Variants in POU3F2 observed in about 807,000 individuals in gnomAD.
POU3F2 encodes the protein POU class 3 homeobox 2.
POU3F2 carries 11 observed loss-of-function variants against 33.1 expected under a neutral mutation model. That is an observed-to-expected ratio of 0.33 (90% CI 0.21 to 0.55). The LOEUF (loss-of-function observed/expected upper bound fraction) is 0.55, where lower values mean the gene tolerates loss of function less well. POU3F2 is among the 20% of genes least tolerant of loss of function. POU3F2 has a pLI of 0.91. For missense variants in POU3F2, 456 were observed against 620.2 expected, an observed-to-expected ratio of 0.74 and a Z score of 2.81; for synonymous variants, 332 against 289.6, an observed-to-expected ratio of 1.15 and a Z score of -1.49.
chr6:98,836,559 T>G lies in POU3F2; in HGVS notation c.*354T>G. ...TAAATACCTGGCAAAACTAAATAAA[T>G]TACCAAAAAGGAAAAAAAATCCACC... On this transcript the variant is annotated 3_prime_UTR_variant, in exon 1 of 1. Transcript: ENST00000328345. 5.0e-6 allele frequency: 1 copy of G among 199,482 alleles called. No individual in the cohort carries two copies. The highest frequency in any genetic ancestry group is 1.1e-5 in the Non-Finnish European group (1 of 90,768). 12.4% of individuals were successfully genotyped at this position (199,482 alleles called of 1,614,324 possible).
rs1486325628 is a variant in POU3F2 at position 98,835,995 on chromosome 6, C to T, written c.1122C>T (p.Leu374=). ...AGGGGGCTCTGGAGAGCCATTTCCT[C>T]AAATGCCCCAAGCCCTCGGCCCAGG... ...SVKGALESHF[L]KCPKPSAQEI... Residue 374 remains leucine (L), a synonymous_variant, in exon 1 of 1, where the codon CTC becomes CTT. Coordinates refer to ENST00000328345, the MANE Select transcript of POU3F2 (RefSeq NM_005604.4). The surrounding 1 kb of genome is among the most constrained non-coding windows in gnomAD (Gnocchi z 9.7). The T allele has an allele frequency of 2.5e-6, 4 of 1,613,520 alleles. No individual in the cohort carries two copies. The highest frequency in any genetic ancestry group is 3.4e-6 in the Non-Finnish European group (4 of 1,179,862).
rs1322310863 is a variant in POU3F2, at chr6:98,834,973, T to C, written c.100T>C (p.Tyr34His). The C allele has an allele frequency of 1.3e-6, 2 of 1,598,936 alleles. No individual in the cohort carries two copies. Among genetic ancestry groups the C allele is most frequent in the Non-Finnish European group, 1.7e-6 (2 of 1,178,730 alleles). ...PGGMQQGAGG[Y>H]REAQSLVQGD... ...CGGCATGCAGCAGGGCGCGGGGGGC[T>C]ACCGCGAAGCGCAGAGCCTGGTGCA... Residue 34 changes from tyrosine to histidine, a missense_variant, in exon 1 of 1, where the codon TAC becomes CAC. Physicochemically the swap from Tyr to His is moderately conservative, Grantham distance 83. Around this residue, in one of 6 missense-constraint regions of POU3F2, gnomAD observed 341 missense variants for 382.4 expected, o/e 0.89. Coordinates refer to ENST00000328345, the MANE Select transcript of POU3F2 (RefSeq NM_005604.4).
rs762013289 is a variant in POU3F2 at position 98,835,413 on chromosome 6, C to A, written c.540C>A (p.Ser180=). Reference sequence around the variant, plus strand: ...CGGCTGCAGCGCACCTCCCACCCTCCATGGGAGCGTCCAACGGCGGCTTGC... The same window carrying A: ...CGGCTGCAGCGCACCTCCCACCCTCAATGGGAGCGTCCAACGGCGGCTTGC... ...SAAAAAHLPP[S]MGASNGGLLY... The change falls in exon 1 of 1, where the codon TCC becomes TCA. Residue 180 remains serine (S), a synonymous_variant. Coordinates refer to ENST00000328345, the MANE Select transcript of POU3F2 (RefSeq NM_005604.4). The surrounding 1 kb of genome is among the most constrained non-coding windows in gnomAD (Gnocchi z 9.7). 1.3e-6 allele frequency: 2 copies of A among 1,588,486 alleles called. No homozygotes were observed. Among genetic ancestry groups the A allele is most frequent in the Admixed American group, 1.7e-5 (1 of 58,414 alleles).
chr6:98,839,015 C>G lies in POU3F2; in HGVS notation c.*2810C>G, dbSNP rs1003651143. 3 of 149,314 alleles carry G rather than the reference C, an allele frequency of 2.0e-5. No individual in the cohort carries two copies. Among genetic ancestry groups the G allele is most frequent in the African/African-American group, 7.4e-5 (3 of 40,370 alleles). The allele number at this position is 149,314 out of a possible 1,614,324, so 9.2% of individuals were successfully genotyped here. A position where few individuals can be genotyped will look rare whatever the true frequency, so the allele number is the denominator to read the frequency against. The stretch of plus-strand genomic sequence containing the variant: ...AGGCTTTTTTTTTTTTTAATGGAGA[C>G]TACTGGTCTAATTCACTTTACTTTG... On this transcript the variant is annotated 3_prime_UTR_variant, in exon 1 of 1. Coordinates refer to ENST00000328345, the MANE Select transcript of POU3F2 (RefSeq NM_005604.4).
Position 98,836,025 on chromosome 6 carries a change from C to A in POU3F2, c.1152C>A (p.Ile384=). 7 of 1,611,018 alleles carry A rather than the reference C, an allele frequency of 4.3e-6. No individual in the cohort carries two copies. The highest frequency in any genetic ancestry group is 5.9e-6 in the Non-Finnish European group (7 of 1,179,146). ...GCCCCAAGCCCTCGGCCCAGGAGATCACCTCCCTCGCGGACAGCTTACAGC... is the reference window on the plus strand; with the variant it reads ...GCCCCAAGCCCTCGGCCCAGGAGATAACCTCCCTCGCGGACAGCTTACAGC... ...LKCPKPSAQE[I]TSLADSLQLE... Residue 384 remains isoleucine, a synonymous_variant, in exon 1 of 1, where the codon ATC becomes ATA. Transcript: ENST00000328345.
Position 98,834,670 on chromosome 6 carries a change from GC to G in POU3F2, c.-203del. ...GGAGAGGAGGAGAAAGAGAGCGAGG[GC>G]GGGCGGGAGGCGGCGGCGGCGGCAG... On this transcript the variant is annotated 5_prime_UTR_variant, in exon 1 of 1. Transcript: ENST00000328345. 1.7e-6 allele frequency: 1 copy of G among 605,306 alleles called. No individual in the cohort carries two copies. The highest frequency in any genetic ancestry group is 2.9e-6 in the Non-Finnish European group (1 of 349,076). The allele number at this position is 605,306 out of a possible 1,614,324, so 37.5% of individuals were successfully genotyped here.
In POU3F2 at chr6:98,836,312, T is replaced by C; in HGVS notation, c.*107T>C. On this transcript the variant is annotated 3_prime_UTR_variant, in exon 1 of 1. Transcript: ENST00000328345. ...TCTAACTTCTGATTGTTCTTTTATT[T>C]TTAATTATTATTTCCCCGTCCCTTA... is the stretch of plus-strand genomic sequence containing the variant. 2 of 1,323,866 alleles carry C rather than the reference T, an allele frequency of 1.5e-6. No homozygotes were observed. The highest frequency in any genetic ancestry group is 2.0e-6 in the Non-Finnish European group (2 of 1,005,580). 82.0% of individuals were successfully genotyped at this position (1,323,866 alleles called of 1,614,324 possible).
Position 98,835,610 on chromosome 6 carries a change from A to C in POU3F2, c.737A>C (p.Gln246Pro). ...HQQPPPPPPPQGPPGHPGAHH... is the reference protein window; with the variant it reads ...HQQPPPPPPPPGPPGHPGAHH... ...CAGCCGCCGCCCCCGCCGCCCCCGC[A>C]GGGTCCGCCTGGCCACCCAGGCGCG... The change falls in exon 1 of 1, where the codon CAG becomes CCG. Residue 246 changes from glutamine (Q) to proline (P), a missense_variant. By Grantham distance (76) the Gln-to-Pro change is moderately conservative (BLOSUM62 -1). This residue lies in a region of POU3F2 where 341 missense variants were observed against 382.4 expected (regional missense o/e 0.89). Coordinates refer to ENST00000328345, the MANE Select transcript of POU3F2 (RefSeq NM_005604.4). This position sits in a 1 kb window ranked among gnomAD's most constrained non-coding sequence, Gnocchi z 9.7. 2 of 1,610,974 alleles carry C rather than the reference A, an allele frequency of 1.2e-6. No individual in the cohort carries two copies. The highest frequency in any genetic ancestry group is 1.7e-6 in the Non-Finnish European group (2 of 1,179,162).
chr6:98,834,786 C>T lies in POU3F2; in HGVS notation c.-88C>T, dbSNP rs2128367673. The T allele has an allele frequency of 2.1e-6, 3 of 1,409,698 alleles. No homozygotes were observed. Among genetic ancestry groups the T allele is most frequent in the South Asian group, 2.5e-5 (2 of 79,164 alleles). 87.3% of individuals were successfully genotyped at this position (1,409,698 alleles called of 1,614,324 possible). On this transcript the variant is annotated 5_prime_UTR_variant, in exon 1 of 1. Coordinates refer to ENST00000328345, the MANE Select transcript of POU3F2 (RefSeq NM_005604.4). Reference sequence around the variant, plus strand: ...TGGGAGAGAGAGGAGACAGAAAGAGCGAGCGAGGAGAGGGAGCCCGAGGCG... The same window carrying T: ...TGGGAGAGAGAGGAGACAGAAAGAGTGAGCGAGGAGAGGGAGCCCGAGGCG...
At position 98,834,791 on chromosome 6, in the gene POU3F2, G is replaced by T. The variant is rs917393922; in HGVS notation, c.-83G>T. 7.6e-6 allele frequency: 11 copies of T among 1,454,286 alleles called. No homozygotes were observed. The highest frequency in any genetic ancestry group is 5.7e-5 in the African/African-American group (4 of 69,638). 90.1% of individuals were successfully genotyped at this position (1,454,286 alleles called of 1,614,324 possible). A position where few individuals can be genotyped will look rare whatever the true frequency, so the allele number is the denominator to read the frequency against. Reference sequence around the variant, plus strand: ...GAGAGAGGAGACAGAAAGAGCGAGCGAGGAGAGGGAGCCCGAGGCGAAAAA... The same window carrying T: ...GAGAGAGGAGACAGAAAGAGCGAGCTAGGAGAGGGAGCCCGAGGCGAAAAA... On this transcript the variant is annotated 5_prime_UTR_variant, in exon 1 of 1. Coordinates refer to ENST00000328345, the MANE Select transcript of POU3F2 (RefSeq NM_005604.4).
chr6:98,834,660 G>C lies in POU3F2; in HGVS notation c.-214G>C, dbSNP rs1279525068. 3.4e-6 allele frequency: 2 copies of C among 592,730 alleles called. No individual in the cohort carries two copies. Among genetic ancestry groups the C allele is most frequent in the Admixed American group, 3.0e-5 (1 of 33,008 alleles). 36.7% of individuals were successfully genotyped at this position (592,730 alleles called of 1,614,324 possible). ...CGAGAAGGAGGGAGAGGAGGAGAAA[G>C]AGAGCGAGGGCGGGCGGGAGGCGGC... On this transcript the variant is annotated 5_prime_UTR_variant, in exon 1 of 1. Transcript: ENST00000328345.
In POU3F2 at chr6:98,837,443, A is replaced by G. The variant is rs929556095; in HGVS notation, c.*1238A>G. 1.8e-5 allele frequency: 3 copies of G among 166,970 alleles called. No homozygotes were observed. The Admixed American group carries it at 2.0e-4, about 11-fold the overall frequency. The allele number at this position is 166,970 out of a possible 1,614,324, so 10.3% of individuals were successfully genotyped here. On this transcript the variant is annotated 3_prime_UTR_variant, in exon 1 of 1. Transcript: ENST00000328345. ...TCTCTAATAGCTTTTTTTTTACATAAAAAAAGACCCAGGAACTTAATAGTG... is the reference window on the plus strand; with the variant it reads ...TCTCTAATAGCTTTTTTTTTACATAGAAAAAGACCCAGGAACTTAATAGTG...
rs1770011919 is a variant in POU3F2 at position 98,837,262 on chromosome 6, A to C, written c.*1057A>C. ...AGCTCAGGGGAAATGTGGAGGTTAA[A>C]TATATTTCCAGAGTTGTCCAGCAGA... On this transcript the variant is annotated 3_prime_UTR_variant, in exon 1 of 1. Coordinates refer to ENST00000328345, the MANE Select transcript of POU3F2 (RefSeq NM_005604.4). The C allele has an allele frequency of 6.0e-6, 1 of 167,094 alleles. No individual in the cohort carries two copies. The highest frequency in any genetic ancestry group is 2.1e-4 in the South Asian group (1 of 4,834). 10.4% of individuals were successfully genotyped at this position (167,094 alleles called of 1,614,324 possible).
Position 98,835,373 on chromosome 6 carries a change from C to A in POU3F2, c.500C>A (p.Ala167Glu). ...HAANHHPGPGAWRSAAAAAHL... is the reference protein window; with the variant it reads ...HAANHHPGPGEWRSAAAAAHL... ...GCTAACCACCACCCGGGACCCGGGG[C>A]ATGGCGGAGCGCGGCGGCTGCAGCG... Residue 167 changes from alanine (A) to glutamate (E), a missense_variant, in exon 1 of 1, where the codon GCA (alanine) becomes GAA (glutamate). Transcript: ENST00000328345. The surrounding 1 kb of genome is among the most constrained non-coding windows in gnomAD (Gnocchi z 9.7). 1.3e-6 allele frequency: 2 copies of A among 1,561,810 alleles called. No individual in the cohort carries two copies. The highest frequency in any genetic ancestry group is 2.4e-5 in the East Asian group (1 of 41,024).
chr6:98,834,864 T>A lies in POU3F2; in HGVS notation c.-10T>A. 6.3e-7 allele frequency: 1 copy of A among 1,595,630 alleles called. No individual in the cohort carries two copies. Among genetic ancestry groups the A allele is most frequent in the Non-Finnish European group, 8.5e-7 (1 of 1,177,672 alleles). On this transcript the variant is annotated 5_prime_UTR_variant, in exon 1 of 1. Coordinates refer to ENST00000328345, the MANE Select transcript of POU3F2 (RefSeq NM_005604.4). Reference sequence around the variant, plus strand: ...CTTTAACCGGAGCGCTCAGTCCGGCTCCGAGAGTCATGGCGACCGCAGCGT... The same window carrying A: ...CTTTAACCGGAGCGCTCAGTCCGGCACCGAGAGTCATGGCGACCGCAGCGT...
rs766081561 is a variant in POU3F2, at chr6:98,835,923, G to T, written c.1050G>T (p.Ala350=). The change falls in exon 1 of 1, where the codon GCG becomes GCT. Residue 350 remains alanine, a synonymous_variant. Transcript: ENST00000328345. The surrounding 1 kb of genome is among the most constrained non-coding windows in gnomAD (Gnocchi z 9.7). ...GSPTSIDKIA[A]QGRKRKKRTS... is the part of the protein sequence containing the mutation. Reference sequence around the variant, plus strand: ...CCACGAGCATAGACAAGATCGCAGCGCAAGGGCGCAAGCGGAAAAAGCGGA... The same window carrying T: ...CCACGAGCATAGACAAGATCGCAGCTCAAGGGCGCAAGCGGAAAAAGCGGA... 1 of 1,614,224 alleles carries T rather than the reference G, an allele frequency of 6.2e-7. No homozygotes were observed.
chr6:98,836,243 C>A lies in POU3F2; in HGVS notation c.*38C>A, dbSNP rs556732734. On this transcript the variant is annotated 3_prime_UTR_variant, in exon 1 of 1. Coordinates refer to ENST00000328345, the MANE Select transcript of POU3F2 (RefSeq NM_005604.4). ...GGAGGGGCAGAGCGCGGGGCTCCCC[C>A]TCCCCTTCGGTCCTTGGCCCTTTCC... 1.9e-6 allele frequency: 3 copies of A among 1,543,258 alleles called. No individual in the cohort carries two copies. The highest frequency in any genetic ancestry group is 2.5e-5 in the South Asian group (2 of 78,664).
In POU3F2 at chr6:98,835,548, C is replaced by G; in HGVS notation, c.675C>G (p.Ala225=). The G allele has an allele frequency of 1.3e-6, 2 of 1,586,816 alleles. No individual in the cohort carries two copies. The highest frequency in any genetic ancestry group is 1.7e-6 in the Non-Finnish European group (2 of 1,171,474). Residue 225 remains alanine, a synonymous_variant, in exon 1 of 1, where the codon GCC becomes GCG. Coordinates refer to ENST00000328345, the MANE Select transcript of POU3F2 (RefSeq NM_005604.4). The surrounding 1 kb of genome is among the most constrained non-coding windows in gnomAD (Gnocchi z 9.7). ...ACGCGCACGACGAGCCACACCATGCCGACCACCACCCGCACCCGCACTCGC... is the reference window on the plus strand; with the variant it reads ...ACGCGCACGACGAGCCACACCATGCGGACCACCACCCGCACCCGCACTCGC... ...LRDAHDEPHH[A]DHHPHPHSHP...
chr6:98,835,507 C>T lies in POU3F2; in HGVS notation c.634C>T (p.His212Tyr). 6.4e-7 allele frequency: 1 copy of T among 1,565,672 alleles called. No homozygotes were observed. Among genetic ancestry groups the T allele is most frequent in the Non-Finnish European group, 8.6e-7 (1 of 1,164,110 alleles). ...GAGGQPAGLH[H>Y]HGLRDAHDEP... ...CGGCGGGCAGCCGGCCGGTCTGCAC[C>T]ACCACGGCCTGCGGGACGCGCACGA... Residue 212 changes from histidine (H) to tyrosine (Y), a missense_variant, in exon 1 of 1, where the codon CAC becomes TAC. Coordinates refer to ENST00000328345, the MANE Select transcript of POU3F2 (RefSeq NM_005604.4). This position sits in a 1 kb window ranked among gnomAD's most constrained non-coding sequence, Gnocchi z 9.7.
Sources: gnomAD v4.1 joint callset for allele counts on GRCh38, gnomAD v4.1.1 for gene constraint, gnomAD v4.1.1 regional missense constraint, Gnocchi (gnomAD v3.1) non-coding constraint, MANE v1.5 for transcripts, NCBI Gene and HGNC (gene_info 2026-07-23, HGNC 2026-07-21) for gene names.